ARK2C: variants seen among roughly 807,000 people sequenced by gnomAD.
ARK2C encodes the protein arkadia (RNF111) C-terminal like ring finger ubiquitin ligase 2C.
chr18:46,358,192 G>A, the ARK2C span, among the ~76,000 whole-genome samples: 1 of 152,198 alleles, frequency 6.6e-6, no homozygotes, highest in Non-Finnish European at 1.5e-5. Flanking sequence ...CAGGCCTCAT[G>A]AGCTGGACCC....
At chr18:46,383,845 C>A in the ARK2C span, among the ~76,000 whole-genome samples, 1 of 152,226 alleles carries the variant, frequency 6.6e-6, no homozygotes. Context: ...GCCACCGCGC[C>A]CGGCCACCAT....
At chr18:46,363,945 C>CTT in the ARK2C span, among the ~76,000 whole-genome samples, 462 of 125,540 alleles carry the variant, frequency 3.7e-3, 5 homozygotes, top group African/African-American at 8.4e-3. Context: ...TTTTTCTTTT[C>CTT]TTTTTTTTTT....
chr18:46,423,923 C>T, the ARK2C span, among the ~76,000 whole-genome samples: 1 of 152,208 alleles, frequency 6.6e-6, no homozygotes, highest in Non-Finnish European at 1.5e-5. Flanking sequence ...TGTCCTCTCT[C>T]CATGTCCTTC....
the ARK2C span, among the ~76,000 whole-genome samples, chr18:46,439,302 G>GT: frequency 6.6e-6 from 1 of 152,244 alleles, no homozygotes; most frequent in Admixed American, 6.5e-5. Context: ...CCCAGGCCAT[G>GT]TGGGATCCAG....
At chr18:46,389,195 A>G in the ARK2C span, among the ~76,000 whole-genome samples, 2 of 152,216 alleles carry the variant, frequency 1.3e-5, no homozygotes, top group African/African-American at 4.8e-5. Flanking sequence ...CATCCACTGT[A>G]TTTATTCACC....
chr18:46,416,920 A>T, the ARK2C span, among the ~76,000 whole-genome samples: 1 of 152,210 alleles, frequency 6.6e-6, no homozygotes, highest in South Asian at 2.1e-4. Flanking sequence ...CCATGCCCAG[A>T]GGCAAGGGGT....
chr18:46,392,610 G>A, the ARK2C span, among the ~76,000 whole-genome samples: 1 of 152,192 alleles, frequency 6.6e-6, no homozygotes, highest in Non-Finnish European at 1.5e-5. Context: ...GGGGTGATGG[G>A]TCAGTTCATG....
chr18:46,416,618 G>A, the ARK2C span, among the ~76,000 whole-genome samples: 1 of 152,232 alleles, frequency 6.6e-6, no homozygotes, highest in African/African-American at 2.4e-5. Flanking sequence ...AACCTTTTAT[G>A]CAGCTCACAA....
the ARK2C span, chr18:46,385,638 C>T: frequency 6.6e-6 from 1 of 152,334 alleles, no homozygotes; most frequent in South Asian, 2.1e-4. Context: ...AGCCCCTGAT[C>T]TAGAAGTGTC....
chr18:46,337,140 C>T, the ARK2C span: 12 of 985,208 alleles, frequency 1.2e-5, no homozygotes, highest in Admixed American at 7.4e-4. Flanking sequence ...AAGAATAAGG[C>T]CCCTACTTTG....
the ARK2C span, among the ~76,000 whole-genome samples, chr18:46,427,915 T>G: frequency 4.6e-5 from 7 of 151,918 alleles, no homozygotes; most frequent in African/African-American, 1.7e-4. Flanking sequence ...CTGGAGGAGC[T>G]GAGAGGAGAC....
the ARK2C span, chr18:46,337,121 C>G: frequency 1.0e-6 from 1 of 985,200 alleles, no homozygotes; most frequent in Non-Finnish European, 1.2e-6. Context: ...AAAACAGCAG[C>G]AATAATAAAA....
At chr18:46,341,065 T>G in the ARK2C span, among the ~76,000 whole-genome samples, 4 of 152,196 alleles carry the variant, frequency 2.6e-5, no homozygotes, top group African/African-American at 9.6e-5. Context: ...TGTGCAGGCC[T>G]ACAGGGAGCA....
the ARK2C span, among the ~76,000 whole-genome samples, chr18:46,428,150 T>C: frequency 3.9e-5 from 6 of 152,104 alleles, no homozygotes; most frequent in East Asian, 1.9e-4. Flanking sequence ...GTGGCTCACG[T>C]CTGTAATCCC....
the ARK2C span, among the ~76,000 whole-genome samples, chr18:46,420,330 G>A: frequency 2.6e-5 from 4 of 152,282 alleles, no homozygotes; most frequent in Admixed American, 1.3e-4. Context: ...GGCATCAGAC[G>A]AAACAATTCT....
chr18:46,439,839 T>A, the ARK2C span, among the ~76,000 whole-genome samples: 2 of 152,218 alleles, frequency 1.3e-5, no homozygotes, highest in Non-Finnish European at 2.9e-5. Flanking sequence ...TGTTTGTGTG[T>A]TTGTTTTTTT....
At chr18:46,457,815 G>A in the ARK2C span, 1 of 152,640 alleles carries the variant, frequency 6.6e-6, no homozygotes, top group African/African-American at 2.4e-5. Flanking sequence ...TAAGGGCTGA[G>A]GTCAATACCG....
At chr18:46,356,709 C>T in the ARK2C span, among the ~76,000 whole-genome samples, 1 of 152,180 alleles carries the variant, frequency 6.6e-6, no homozygotes, top group African/African-American at 2.4e-5. Context: ...GCTTAGCACC[C>T]TCTCCCAGGG....
the ARK2C span, among the ~76,000 whole-genome samples, chr18:46,439,553 C>G: frequency 6.6e-6 from 1 of 152,202 alleles, no homozygotes; most frequent in Non-Finnish European, 1.5e-5. Context: ...GTACACAGCA[C>G]ACTGCAAGAA....
Sources: gnomAD v4.1 joint callset for allele counts (sites outside exome capture counted in the v4.1 genomes callset) on GRCh38, gnomAD v4.1.1 for gene constraint, MANE v1.5 for transcripts, NCBI Gene and HGNC (gene_info 2026-07-23, HGNC 2026-07-21) for gene names.